The following CCNH variants were observed in gnomAD, a reference collection of about 807,000 sequenced individuals.
The protein encoded by CCNH is cyclin-H.
CCNH carries 31 observed loss-of-function variants against 41.9 expected under a neutral mutation model. The observed-to-expected ratio is 0.74, with a 90% CI of 0.56 to 1.00. The LOEUF is 1.00. Ranked by LOEUF, CCNH falls within the 50% of genes least tolerant of loss-of-function variation. CCNH has a pLI of 0.00. For synonymous variants in CCNH, 138 were observed against 136.1 expected (o/e 1.01, Z -0.10); for missense variants, 362 against 388.4 (o/e 0.93, Z 0.57).
intron 9 of CCNH, among the ~76,000 whole-genome samples, chr5:87,345,786 C>G (rs948180203): frequency 1.3e-5 from 2 of 152,074 alleles, no homozygotes; most frequent in Admixed American, 6.6e-5. Context: ...TATTTACTTT[C>G]TAGCTTGCTC....
At chr5:87,376,400 G>A in exon 1 of CCNH, 1 of 1,613,820 alleles carries the variant, frequency 6.2e-7, no homozygotes, top group Non-Finnish European at 8.5e-7. Flanking sequence ...AAGTATTTAT[G>A]CGCTGCCAGT....
downstream of CCNH, among the ~76,000 whole-genome samples, chr5:87,388,957 T>C (rs941909020): frequency 6.6e-6 from 1 of 152,120 alleles, no homozygotes; most frequent in African/African-American, 2.4e-5. Context: ...AGCAATAATA[T>C]TGTACACATC....
At chr5:87,384,902 GA>G (rs1369303104) in intron 9 of CCNH, among the ~76,000 whole-genome samples, 6 of 152,052 alleles carry the variant, frequency 3.9e-5, no homozygotes, top group African/African-American at 1.2e-4. Context: ...TGGGAGCAGG[GA>G]ATTGCTCAGA....
intron 9 of CCNH, among the ~76,000 whole-genome samples, chr5:87,340,846 C>T (rs1164536044): frequency 3.3e-5 from 5 of 151,972 alleles, no homozygotes; most frequent in African/African-American, 1.2e-4. Flanking sequence ...TTATGTGTGA[C>T]CATGGTATAG....
chr5:87,397,612 T>G (rs998301325), intron 7 of CCNH, among the ~76,000 whole-genome samples: 2 of 152,182 alleles, frequency 1.3e-5, no homozygotes, highest in African/African-American at 4.8e-5. Context: ...TTTAAAAAAG[T>G]CCTTCGCAGT....
chr5:87,357,653 C>T (rs940419919), intron 9 of CCNH, among the ~76,000 whole-genome samples: 4 of 151,664 alleles, frequency 2.6e-5, no homozygotes, highest in Non-Finnish European at 5.9e-5. Flanking sequence ...TGCAGTGAGC[C>T]GAGATTGCAC....
rs1448141189 is a variant in CCNH, at chr5:87,404,943, C to T, written c.590G>A (p.Arg197Lys). Reference sequence around the variant, plus strand: ...AAGGTAAGCATCCGTCAATGCAATTCTATTAAGAAAGTCATCAGCTGTTTT... The same window carrying T: ...AAGGTAAGCATCCGTCAATGCAATTTTATTAAGAAAGTCATCAGCTGTTTT... ...LRKTADDFLNRIALTDAYLLY... is the reference protein window; with the variant it reads ...LRKTADDFLNKIALTDAYLLY... The change falls in exon 5 of 9, where the codon AGA becomes AAA. Residue 197 changes from arginine (R) to lysine (K), a missense_variant. Arg to Lys is a conservative substitution (Grantham distance 26). Transcript: ENST00000256897. 1 of 1,613,198 alleles carries T rather than the reference C, an allele frequency of 6.2e-7. No individual in the cohort carries two copies. Among genetic ancestry groups the T allele is most frequent in the East Asian group, 2.2e-5 (1 of 44,826 alleles).
Position 87,332,349 on chromosome 5 carries a change from A to G in CCNH, c.*91-13452T>C, listed in dbSNP as rs74492894. On this transcript the variant is annotated intron_variant and NMD_transcript_variant, in intron 9 of 9. Transcript: ENST00000645953. ...TAAGAGAAATAGCCCCAAGTAATTT[A>G]CTGTGATGAAGATACTAATAAGTGG... Among the ~76,000 whole-genome samples, 4,834 of 152,178 alleles carry G rather than the reference A, an allele frequency of 0.032. 161 individuals are homozygous for G. The highest frequency in any genetic ancestry group is 0.074 in the African/African-American group (3,072 of 41,552).
In CCNH at chr5:87,338,536, A is replaced by ATTTT. The variant is rs1232583853; in HGVS notation, c.*91-19643_*91-19640dup. 9.2e-3 allele frequency among the ~76,000 whole-genome samples: 784 copies of ATTTT among 85,154 alleles called. 32 individuals carry two copies. Among genetic ancestry groups the ATTTT allele is most frequent in the South Asian group, 0.011 (29 of 2,554 alleles). 55.9% of individuals were successfully genotyped at this position (85,154 alleles called of 152,430 possible). A position where few individuals can be genotyped will look rare whatever the true frequency, so the allele number is the denominator to read the frequency against. ...ATATATATATATATATATATATAAA[A>ATTTT]TTTTTTTTTTTTTTAAGTAGAAATG... On this transcript the variant is annotated intron_variant and NMD_transcript_variant, in intron 9 of 9. Transcript: ENST00000645953.
intron 9 of CCNH, among the ~76,000 whole-genome samples, chr5:87,342,253 G>A (rs1243148371): frequency 6.6e-6 from 1 of 150,928 alleles, no homozygotes; most frequent in Non-Finnish European, 1.5e-5. Flanking sequence ...CCTGCCTCCT[G>A]GATTCAAACG....
chr5:87,376,124 T>C, downstream of CCNH: 1 of 485,668 alleles, frequency 2.1e-6, no homozygotes, highest in South Asian at 2.1e-5. Context: ...GAAACATAAT[T>C]GATTTCTTGC....
At chr5:87,386,922 G>C (rs1762101202), downstream of CCNH, 1 of 1,597,148 alleles carries the variant, frequency 6.3e-7, no homozygotes. Flanking sequence ...ATAGTTTTCA[G>C]GTACTTTTTT....
chr5:87,404,945 A>G lies in CCNH; in HGVS notation c.588T>C (p.Asn196=). The G allele has an allele frequency of 2.5e-6, 4 of 1,613,332 alleles. No homozygotes were observed. Among genetic ancestry groups the G allele is most frequent in the Non-Finnish European group, 2.5e-6 (3 of 1,179,382 alleles). The change falls in exon 5 of 9, where the codon AAT becomes AAC. Residue 196 remains asparagine (N), a synonymous_variant. Transcript: ENST00000256897. ...ILRKTADDFL[N]RIALTDAYLL... ...GGTAAGCATCCGTCAATGCAATTCT[A>G]TTAAGAAAGTCATCAGCTGTTTTCC... is the stretch of plus-strand genomic sequence containing the variant.
chr5:87,327,789 A>G (rs1580271113), intron 9 of CCNH, among the ~76,000 whole-genome samples: 1 of 151,906 alleles, frequency 6.6e-6, no homozygotes, highest in African/African-American at 2.4e-5. Flanking sequence ...ACATGGTGAA[A>G]CCCCGTCTCT....
chr5:87,368,941 T>C (rs946920560), intron 9 of CCNH, among the ~76,000 whole-genome samples: 2 of 152,230 alleles, frequency 1.3e-5, no homozygotes, highest in African/African-American at 4.8e-5. Flanking sequence ...GTTAGTCTGA[T>C]ACAGGCAACA....
intron 9 of CCNH, among the ~76,000 whole-genome samples, chr5:87,319,231 A>T (rs1392152429): frequency 6.6e-6 from 1 of 152,210 alleles, no homozygotes; most frequent in Admixed American, 6.5e-5. Flanking sequence ...GCAAGCTGTC[A>T]GTGGATCTAC....
intron 9 of CCNH, among the ~76,000 whole-genome samples, chr5:87,352,193 A>G (rs1225708660): frequency 6.6e-6 from 1 of 151,638 alleles, no homozygotes; most frequent in African/African-American, 2.4e-5. Flanking sequence ...TATTAAGTTC[A>G]TTCATACACT....
At chr5:87,331,310 C>T in intron 9 of CCNH, 1 of 1,554,432 alleles carries the variant, frequency 6.4e-7, no homozygotes, top group Non-Finnish European at 8.9e-7. Flanking sequence ...TCTGCACTTG[C>T]TATTTATATT....
At chr5:87,408,530 G>A (rs947077432) in intron 3 of CCNH, among the ~76,000 whole-genome samples, 3 of 152,162 alleles carry the variant, frequency 2.0e-5, no homozygotes, top group African/African-American at 7.2e-5. Flanking sequence ...AGATGGAAGA[G>A]TTAAAAATAA....
Sources: allele counts gnomAD v4.1 joint callset (sites outside exome capture counted in the v4.1 genomes callset), GRCh38; gene constraint gnomAD v4.1.1; transcripts MANE v1.5; gene names NCBI Gene and HGNC (gene_info 2026-07-23, HGNC 2026-07-21).